SSH2: variants seen among roughly 807,000 people sequenced by gnomAD.
SSH2 encodes slingshot protein phosphatase 2, also known as protein phosphatase Slingshot homolog 2.
Under a neutral mutation model 135.2 loss-of-function variants are expected in SSH2, and 37 were observed. The observed-to-expected ratio is 0.27, with a 90% CI of 0.21 to 0.36. SSH2 has a LOEUF of 0.36. Ranked by LOEUF, SSH2 falls within the 10% of genes least tolerant of loss-of-function variation. The pLI is 1.00. For synonymous variants in SSH2, 628 were observed against 646.2 expected (o/e 0.97, Z 0.43); for missense variants, 1,408 against 1,765.3 (o/e 0.80, Z 3.63).
At chr17:29,919,120 A>G (rs1190531746) in intron 1 of SSH2, among the ~76,000 whole-genome samples, 2 of 152,098 alleles carry the variant, frequency 1.3e-5, no homozygotes, top group Non-Finnish European at 2.9e-5. Flanking sequence ...TTTAATATCA[A>G]TCTTTCTACT....
At chr17:29,651,748 G>A (rs762872349) in intron 12 of SSH2, among the ~76,000 whole-genome samples, 5 of 152,204 alleles carry the variant, frequency 3.3e-5, no homozygotes, top group Non-Finnish European at 5.9e-5. Context: ...CAAATCTGTG[G>A]TTAAGGTCAA....
chr17:29,696,335 CATAT>C (rs2038741800), intron 4 of SSH2, among the ~76,000 whole-genome samples: 1 of 148,050 alleles, frequency 6.8e-6, no homozygotes. Flanking sequence ...CATATATACA[CATAT>C]GTGTGTATAT....
chr17:29,657,642 C>T (rs1166883505), intron 11 of SSH2, among the ~76,000 whole-genome samples: 1 of 136,590 alleles, frequency 7.3e-6, no homozygotes, highest in African/African-American at 2.7e-5. Context: ...AGTGCAGTGG[C>T]ACACTGCAGC....
chr17:29,685,361 G>A (rs1319613925), intron 5 of SSH2, among the ~76,000 whole-genome samples: 1 of 152,162 alleles, frequency 6.6e-6, no homozygotes, highest in Non-Finnish European at 1.5e-5. Context: ...TGTGGTTACT[G>A]TGACTTTTTC....
intron 3 of SSH2, among the ~76,000 whole-genome samples, chr17:29,789,115 G>A (rs1299178299): frequency 6.6e-6 from 1 of 152,198 alleles, no homozygotes; most frequent in Non-Finnish European, 1.5e-5. Flanking sequence ...CAGTGGAATT[G>A]GACATTCAAC....
Position 29,631,243 on chromosome 17 carries a change from C to A in SSH2, c.3951G>T (p.Gln1317His). 1 of 1,614,068 alleles carries A rather than the reference C, an allele frequency of 6.2e-7. No homozygotes were observed. The highest frequency in any genetic ancestry group is 8.5e-7 in the Non-Finnish European group (1 of 1,180,028). The change falls in exon 16 of 16, where the codon CAG (glutamine) becomes CAT (histidine). Residue 1317 changes from glutamine (Q) to histidine (H), a missense_variant. This residue lies in a region of SSH2 where 1,080 missense variants were observed against 1,144.5 expected (regional missense o/e 0.94). Coordinates refer to ENST00000540801, the MANE Select transcript of SSH2 (RefSeq NM_001282129.2). ...SCESPHLKLL[Q>H]PFLRTDSGMH... ...TGCCTGAGTCTGTTCTGAGGAAAGGCTGAAGCAGTTTGAGATGAGGGGATT... is the reference window on the plus strand; with the variant it reads ...TGCCTGAGTCTGTTCTGAGGAAAGGATGAAGCAGTTTGAGATGAGGGGATT...
At position 29,793,775 on chromosome 17, in the gene SSH2, C is replaced by T. The variant is rs2042112787; in HGVS notation, c.188+119G>A. The T allele has an allele frequency of 4.9e-6, 4 of 811,142 alleles. No homozygotes were observed. The South Asian group carries it at 5.3e-5, about 11-fold the overall frequency. 50.2% of individuals were successfully genotyped at this position (811,142 alleles called of 1,614,324 possible). A position where few individuals can be genotyped will look rare whatever the true frequency, so the allele number is the denominator to read the frequency against. On this transcript the variant is annotated intron_variant, in intron 3 of 15. Transcript: ENST00000540801. ...GGTTTCTTGAGAGACCAAGGAAGCA[C>T]GTTGAAAAACAAGGATAAGCTAATC...
At chr17:29,646,149 G>A (rs1340514947) in intron 14 of SSH2, among the ~76,000 whole-genome samples, 1 of 152,178 alleles carries the variant, frequency 6.6e-6, no homozygotes, top group Non-Finnish European at 1.5e-5. Context: ...AGCATCTCAG[G>A]AAACTGATCC....
intron 3 of SSH2, among the ~76,000 whole-genome samples, chr17:29,772,830 C>T (rs1364827768): frequency 6.6e-6 from 1 of 152,180 alleles, no homozygotes. Context: ...CCAGGATTTA[C>T]TCCAGTGAAC....
At chr17:29,902,610 G>A (rs1474820380) in intron 1 of SSH2, among the ~76,000 whole-genome samples, 2 of 150,690 alleles carry the variant, frequency 1.3e-5, no homozygotes, top group Non-Finnish European at 3.0e-5. Context: ...ATATCTTTAG[G>A]AAAAAAAGGT....
At chr17:29,642,369 G>T (rs550535790) in intron 14 of SSH2, among the ~76,000 whole-genome samples, 49 of 152,194 alleles carry the variant, frequency 3.2e-4, no homozygotes, top group African/African-American at 1.1e-3. Context: ...CACCACCCAG[G>T]TTTTTTTCCT....
intron 1 of SSH2, among the ~76,000 whole-genome samples, chr17:29,859,278 T>G (rs2065718263): frequency 6.6e-6 from 1 of 152,202 alleles, no homozygotes; most frequent in Non-Finnish European, 1.5e-5. Flanking sequence ...TGGGTTCCTC[T>G]TACACTTTTT....
rs549768248 is a variant in SSH2 at position 29,736,622 on chromosome 17, C to T, written c.189-33560G>A. ...CTAACATGGTGAAACCCTGTCTCTA[C>T]TAAAAATATGAAAAATTAGCCAGGC... On this transcript the variant is annotated intron_variant, in intron 3 of 15. Transcript: ENST00000540801. Among the ~76,000 whole-genome samples, 12 of 150,124 alleles carry T rather than the reference C, an allele frequency of 8.0e-5. No homozygotes were observed. In the South Asian group the frequency reaches 1.9e-3, roughly 24 times the overall value.
Position 29,648,157 on chromosome 17 carries a change from T to A in SSH2, c.1414A>T (p.Ile472Phe), listed in dbSNP as rs751446834. 1 of 1,613,914 alleles carries A rather than the reference T, an allele frequency of 6.2e-7. No homozygotes were observed. Among genetic ancestry groups the A allele is most frequent in the Non-Finnish European group, 8.5e-7 (1 of 1,180,026 alleles). The change falls in exon 14 of 16, where the codon ATC becomes TTC. Residue 472 changes from isoleucine (I) to phenylalanine (F), a missense_variant. Ile to Phe is a conservative substitution (Grantham distance 21). Coordinates refer to ENST00000540801, the MANE Select transcript of SSH2 (RefSeq NM_001282129.2). ...FMRQLEEYQG[I>F]LLASKQRHNK... is the part of the protein sequence containing the mutation. ...TCACTGACTCACCTTGCCAGCAAGA[T>A]CCCCTGATACTCTTCCAGTTGTCTC... is the stretch of plus-strand genomic sequence containing the variant.
intron 3 of SSH2, among the ~76,000 whole-genome samples, chr17:29,766,394 G>A (rs1474696474): frequency 1.3e-5 from 2 of 151,742 alleles, no homozygotes; most frequent in African/African-American, 4.8e-5. Context: ...GGAGGTGGAG[G>A]TTGCAGTGAG....
At position 29,626,553 on chromosome 17, in the gene SSH2, C is replaced by T. The variant is rs2035506510; in HGVS notation, c.*4288G>A. ...TTAAGGATGATTCCAGTTTAGAAATCCTATCCTAGACCTCTGGGGCACTGA... is the reference window on the plus strand; with the variant it reads ...TTAAGGATGATTCCAGTTTAGAAATTCTATCCTAGACCTCTGGGGCACTGA... On this transcript the variant is annotated 3_prime_UTR_variant, in exon 16 of 16. Transcript: ENST00000540801. The T allele has an allele frequency of 6.6e-6, 1 of 152,608 alleles. No individual in the cohort carries two copies. Among genetic ancestry groups the T allele is most frequent in the Non-Finnish European group, 1.5e-5 (1 of 68,034 alleles). 9.5% of individuals were successfully genotyped at this position (152,608 alleles called of 1,614,324 possible). A position where few individuals can be genotyped will look rare whatever the true frequency, so the allele number is the denominator to read the frequency against.
chr17:29,725,076 G>C (rs542708208), intron 3 of SSH2, among the ~76,000 whole-genome samples: 4 of 151,442 alleles, frequency 2.6e-5, no homozygotes, highest in Non-Finnish European at 5.9e-5. Context: ...GGCCAGGCAC[G>C]GTGGCTCACG....
At chr17:29,915,861 G>C (rs1462455602) in intron 1 of SSH2, among the ~76,000 whole-genome samples, 1 of 150,260 alleles carries the variant, frequency 6.7e-6, no homozygotes, top group Non-Finnish European at 1.5e-5. Flanking sequence ...TTAAGTTCTA[G>C]GGTACATGTG....
At chr17:29,925,415 T>C (rs1287582899) in intron 1 of SSH2, 10 of 397,576 alleles carry the variant, frequency 2.5e-5, no homozygotes, top group Non-Finnish European at 4.4e-5. Context: ...TAATAATATA[T>C]TGTAGACTTG....
Sources: allele counts gnomAD v4.1 joint callset (sites outside exome capture counted in the v4.1 genomes callset), GRCh38; gene constraint gnomAD v4.1.1; regional missense constraint gnomAD v4.1.1; transcripts MANE v1.5; gene names NCBI Gene and HGNC (gene_info 2026-07-23, HGNC 2026-07-21).